The following TRIM3 variants were observed in gnomAD, a reference collection of about 807,000 sequenced individuals.
The protein encoded by TRIM3 is tripartite motif containing 3.
A neutral mutation model predicts 66.6 loss-of-function variants in TRIM3; 13 were observed. That is an observed-to-expected ratio of 0.20 (90% confidence interval 0.13 to 0.31). The LOEUF is 0.31. TRIM3 is among the 10% of genes least tolerant of loss of function. TRIM3 has a pLI of 1.00. For synonymous variants in TRIM3, 406 were observed against 411.7 expected, an observed-to-expected ratio of 0.99 and a Z score of 0.17; for missense variants, 711 against 1,020.4, an observed-to-expected ratio of 0.70 and a Z score of 4.13.
At chr11:6,472,883 C>T (rs1247552328) in intron 1 of TRIM3, among the ~76,000 whole-genome samples, 1 of 152,162 alleles carries the variant, frequency 6.6e-6, no homozygotes, top group East Asian at 1.9e-4. Context: ...AATTCTGCAG[C>T]AAATCATCCC....
chr11:6,454,621 T>TC (rs888639452), intron 7 of TRIM3, among the ~76,000 whole-genome samples: 8 of 151,916 alleles, frequency 5.3e-5, no homozygotes, highest in African/African-American at 1.9e-4. Context: ...TCCCCCGCAA[T>TC]CCCCTCCTCA....
Position 6,451,447 on chromosome 11 carries a change from G to A in TRIM3, c.1534-9C>T. 1.2e-6 allele frequency: 2 copies of A among 1,613,894 alleles called. No homozygotes were observed. The highest frequency in any genetic ancestry group is 1.7e-6 in the Non-Finnish European group (2 of 1,179,810). On this transcript the variant is annotated splice_polypyrimidine_tract_variant and intron_variant, in intron 7 of 11. Transcript: ENST00000345851. ...CCCTCATTGGAGAAAACCTGGAGCA[G>A]AGGAGCAAGGGGAGGGAGCAGGTAG...
rs1283743696 is a variant in TRIM3, at chr11:6,456,965, A to G, written c.761T>C (p.Phe254Ser). The G allele has an allele frequency of 6.2e-7, 1 of 1,608,324 alleles. No individual in the cohort carries two copies. The change falls in exon 6 of 12, where the codon TTT becomes TCT. Residue 254 changes from phenylalanine to serine, a missense_variant. Around this residue, in one of 3 missense-constraint regions of TRIM3, gnomAD observed 399 missense variants for 458.1 expected, o/e 0.87. Coordinates refer to ENST00000345851, the MANE Select transcript of TRIM3 (RefSeq NM_033278.4). The surrounding 1 kb of genome is among the most constrained non-coding windows in gnomAD (Gnocchi z 6.4). ...GCCCAGGCGCAGTGCCTGCTCTGCA[A>G]AGCTGCAGCTACTGCCGATGTGTTC... ...GQEHIGSSCS[F>S]AEQALRLGSA...
Position 6,449,286 on chromosome 11 carries a change from C to A in TRIM3, c.2082+20G>T. ...ACACCAGGAAACCGCCCCCTCATGT[C>A]ATTCCCAGGCCTTACTCACCTGGAT... On this transcript the variant is annotated intron_variant, in intron 11 of 11. Coordinates refer to ENST00000345851, the MANE Select transcript of TRIM3 (RefSeq NM_033278.4). The surrounding 1 kb of genome is among the most constrained non-coding windows in gnomAD (Gnocchi z 5.3). 2 of 1,611,890 alleles carry A rather than the reference C, an allele frequency of 1.2e-6. No homozygotes were observed. Among genetic ancestry groups the A allele is most frequent in the African/African-American group, 2.7e-5 (2 of 75,016 alleles).
intron 2 of TRIM3, among the ~76,000 whole-genome samples, chr11:6,463,644 G>C (rs1202862092): frequency 1.3e-5 from 2 of 152,210 alleles, no homozygotes; most frequent in Non-Finnish European, 2.9e-5. Flanking sequence ...AGTCAAAGGG[G>C]CTAGATATCT....
At chr11:6,469,446 C>T (rs1191121617) in intron 1 of TRIM3, among the ~76,000 whole-genome samples, 2 of 152,204 alleles carry the variant, frequency 1.3e-5, no homozygotes, top group Non-Finnish European at 2.9e-5. Flanking sequence ...CCACTGTGCT[C>T]TAGAGATTTG....
chr11:6,456,586 G>A lies in TRIM3; in HGVS notation c.1140C>T (p.Asp380=), dbSNP rs147152602. The A allele has an allele frequency of 9.3e-6, 15 of 1,612,946 alleles. No individual in the cohort carries two copies. The African/African-American group carries it at 1.3e-4, about 14-fold the overall frequency. The part of the protein sequence containing the change: ...DGTRLPVPVV[D]HKNGTYELVY... ...CTAGCTCATATGTGCCATTCTTGTGGTCCACCACTGGCACCGGAAGGCGCG... is the reference window on the plus strand; with the variant it reads ...CTAGCTCATATGTGCCATTCTTGTGATCCACCACTGGCACCGGAAGGCGCG... Residue 380 remains aspartate, a synonymous_variant, in exon 6 of 12, where the codon GAC becomes GAT. Transcript: ENST00000345851. This position sits in a 1 kb window ranked among gnomAD's most constrained non-coding sequence, Gnocchi z 6.4.
intron 2 of TRIM3, among the ~76,000 whole-genome samples, chr11:6,463,282 A>G (rs1197896003): frequency 6.6e-6 from 1 of 152,242 alleles, no homozygotes; most frequent in Non-Finnish European, 1.5e-5. Context: ...TAAAATAAAA[A>G]AATAAAATGA....
At position 6,449,697 on chromosome 11, in the gene TRIM3, CA is replaced by C; in HGVS notation, c.1942-252del. The C allele has an allele frequency of 2.3e-6, 1 of 431,926 alleles. No homozygotes were observed. The highest frequency in any genetic ancestry group is 4.1e-6 in the Non-Finnish European group (1 of 241,430). The allele number at this position is 431,926 out of a possible 1,614,324, so 26.8% of individuals were successfully genotyped here. A position where few individuals can be genotyped will look rare whatever the true frequency, so the allele number is the denominator to read the frequency against. ...AATCAGTTCTCTTAGTTCTCTATCT[CA>C]ATGACTGGTGCCACCCAGCTGGCCA... On this transcript the variant is annotated intron_variant, in intron 10 of 11. Coordinates refer to ENST00000345851, the MANE Select transcript of TRIM3 (RefSeq NM_033278.4). This position sits in a 1 kb window ranked among gnomAD's most constrained non-coding sequence, Gnocchi z 5.3.
intron 2 of TRIM3, 132 bp downstream of exon 2, chr11:6,465,433 C>T: frequency 8.8e-7 from 1 of 1,131,420 alleles, no homozygotes; most frequent in Non-Finnish European, 1.3e-6. Flanking sequence ...TTCACCTGCT[C>T]TCCTCCCAGG....
At chr11:6,465,802 A>C in intron 1 of TRIM3, 70 bp from the exon 2 acceptor site, 4 of 1,434,916 alleles carry the variant, frequency 2.8e-6, no homozygotes, top group Non-Finnish European at 3.8e-6. Context: ...CGCCACTCAA[A>C]TCCCCTGCAG....
chr11:6,470,496 T>A (rs1029089176), intron 1 of TRIM3, among the ~76,000 whole-genome samples: 3 of 152,192 alleles, frequency 2.0e-5, no homozygotes, highest in Non-Finnish European at 4.4e-5. Context: ...CTCAAACTCC[T>A]GGGCTCAACT....
chr11:6,455,952 AACGGTACTATCTGTAGGG>A lies in TRIM3; in HGVS notation c.1533+102_1533+119del, dbSNP rs1460138433. 581 of 629,462 alleles carry A rather than the reference AACGGTACTATCTGTAGGG, an allele frequency of 9.2e-4. 4 individuals carry two copies. The highest frequency in any genetic ancestry group is 3.9e-4 in the Non-Finnish European group (159 of 408,848). 39.0% of individuals were successfully genotyped at this position (629,462 alleles called of 1,614,324 possible). A position where few individuals can be genotyped will look rare whatever the true frequency, so the allele number is the denominator to read the frequency against. The stretch of plus-strand genomic sequence containing the variant: ...ATCCTTTGATTCACTGCTCTTAAGG[AACGGTACTATCTGTAGGG>A]TTCCATCTTCCAGGAGGTGACCTGT... On this transcript the variant is annotated intron_variant, in intron 7 of 11. Transcript: ENST00000345851.
Position 6,457,027 on chromosome 11 carries a change from C to A in TRIM3, c.699G>T (p.Val233=). Residue 233 remains valine (V), a splice_region_variant and synonymous_variant, in exon 6 of 12, where the codon GTG becomes GTT. Transcript: ENST00000345851. The surrounding 1 kb of genome is among the most constrained non-coding windows in gnomAD (Gnocchi z 4.5). ...GCAGTGTGTCCAGCTGGCTTTGCAA[C>A]ACCTGATGAGGGGTAGGGGAGGAGT... is the stretch of plus-strand genomic sequence containing the variant. ...LETICGAKQK[V]LQSQLDTLRQ... is the part of the protein sequence containing the mutation. The A allele has an allele frequency of 6.3e-7, 1 of 1,585,400 alleles. No homozygotes were observed. Among genetic ancestry groups the A allele is most frequent in the Non-Finnish European group, 8.6e-7 (1 of 1,165,212 alleles).
intron 7 of TRIM3, 83 bp downstream of exon 7, chr11:6,455,989 G>T: frequency 7.4e-7 from 1 of 1,343,654 alleles, no homozygotes; most frequent in Non-Finnish European, 1.1e-6. Flanking sequence ...TCCAGGAGGT[G>T]ACCTGTACAT....
Position 6,448,808 on chromosome 11 carries a change from C to A in TRIM3, c.*220G>T. 1.6e-6 allele frequency: 1 copy of A among 625,178 alleles called. No homozygotes were observed. The highest frequency in any genetic ancestry group is 2.8e-6 in the Non-Finnish European group (1 of 352,330). The allele number at this position is 625,178 out of a possible 1,614,324, so 38.7% of individuals were successfully genotyped here. A position where few individuals can be genotyped will look rare whatever the true frequency, so the allele number is the denominator to read the frequency against. ...GGGTAGGGTGAAGCTCTGCACACAT[C>A]CTTGGGACCACAGTCCAGGCTCACC... On this transcript the variant is annotated 3_prime_UTR_variant, in exon 12 of 12. Coordinates refer to ENST00000345851, the MANE Select transcript of TRIM3 (RefSeq NM_033278.4).
intron 2 of TRIM3, among the ~76,000 whole-genome samples, chr11:6,463,290 T>C (rs78619512): frequency 0.01 from 1,591 of 152,082 alleles, 30 homozygotes; most frequent in African/African-American, 0.035. Context: ...AAAAATAAAA[T>C]GAAGTTAATA....
chr11:6,451,070 G>C lies in TRIM3; in HGVS notation c.1702-10C>G. ...CAGCTCCAATCTTGGTCTGGAGGAA[G>C]AGAATATCCATAAGAGGCTTTATTC... On this transcript the variant is annotated splice_polypyrimidine_tract_variant and intron_variant, in intron 8 of 11. Transcript: ENST00000345851. The C allele has an allele frequency of 1.2e-6, 2 of 1,613,968 alleles. No homozygotes were observed. The highest frequency in any genetic ancestry group is 1.7e-6 in the Non-Finnish European group (2 of 1,179,838).
intron 7 of TRIM3, among the ~76,000 whole-genome samples, chr11:6,454,107 A>G (rs913176046): frequency 3.3e-5 from 5 of 152,220 alleles, no homozygotes; most frequent in Admixed American, 6.5e-5. Context: ...GGCCAGGTGC[A>G]GTGGCTCATG....
Sources: allele counts gnomAD v4.1 joint callset (sites outside exome capture counted in the v4.1 genomes callset), GRCh38; gene constraint gnomAD v4.1.1; regional missense constraint gnomAD v4.1.1; non-coding constraint Gnocchi (gnomAD v3.1); transcripts MANE v1.5; gene names NCBI Gene and HGNC (gene_info 2026-07-23, HGNC 2026-07-21).